The following SIRT7 variants were observed in gnomAD, a reference collection of about 807,000 sequenced individuals.
The protein encoded by SIRT7 is sirtuin 7.
SIRT7 carries 32 observed loss-of-function variants against 42.8 expected under a neutral mutation model. That is an observed-to-expected ratio of 0.75 (90% CI 0.56 to 1.00). The LOEUF is 1.00. Ranked by LOEUF, SIRT7 falls within the 50% of genes least tolerant of loss-of-function variation. The pLI is 0.00. For missense variants in SIRT7, 553 were observed against 572.2 expected (o/e 0.97, Z 0.34); for synonymous variants, 297 against 245.2 (o/e 1.21, Z -1.97).
intron 5 of SIRT7, chr17:81,914,983 A>G: frequency 3.8e-6 from 2 of 527,528 alleles, no homozygotes; most frequent in African/African-American, 3.8e-5. Flanking sequence ...AAGGTTGGGA[A>G]GTGGCTCGGG....
At chr17:81,914,723 C>T in intron 5 of SIRT7, 21 bp from the exon 6 acceptor site, 11 of 1,601,510 alleles carry the variant, frequency 6.9e-6, no homozygotes, top group Non-Finnish European at 9.4e-6. Flanking sequence ...GAACGGGTGG[C>T]AAGGGGAGGG....
Position 81,912,634 on chromosome 17 carries a change from G to C in SIRT7, c.1005-20C>G, listed in dbSNP as rs751643965. ...TGCCACCTGCCAAAAAGGGAAAGCG[G>C]CATCAGGCGGGCCTGGGAGCCTCTC... On this transcript the variant is annotated intron_variant, in intron 9 of 9. Transcript: ENST00000328666. 2 of 1,605,034 alleles carry C rather than the reference G, an allele frequency of 1.2e-6. No individual in the cohort carries two copies.
chr17:81,916,746 T>G (rs1047580064), intron 3 of SIRT7: 6 of 152,284 alleles, frequency 3.9e-5, no homozygotes, highest in Admixed American at 1.3e-4. Flanking sequence ...ATTATAGGCA[T>G]GAGCCACCGC....
Position 81,912,140 on chromosome 17 carries a change from G to A in SIRT7, c.*276C>T, listed in dbSNP as rs927886004. ...GCTGGGCGCTTCCACTCTGCAGGCC[G>A]GGGCTGAAATAACCCGAGTTCCGTT... On this transcript the variant is annotated 3_prime_UTR_variant, in exon 10 of 10. Coordinates refer to ENST00000328666, the MANE Select transcript of SIRT7 (RefSeq NM_016538.3). 27 of 510,040 alleles carry A rather than the reference G, an allele frequency of 5.3e-5. No individual in the cohort carries two copies. Among genetic ancestry groups the A allele is most frequent in the African/African-American group, 4.3e-4 (22 of 51,744 alleles). 31.6% of individuals were successfully genotyped at this position (510,040 alleles called of 1,614,324 possible).
In SIRT7 at chr17:81,914,406, G is replaced by C; in HGVS notation, c.704C>G (p.Thr235Ser). 1 of 1,613,204 alleles carries C rather than the reference G, an allele frequency of 6.2e-7. No individual in the cohort carries two copies. The highest frequency in any genetic ancestry group is 1.6e-4 in the Middle Eastern group (1 of 6,062). ...CHKCGTQLRD[T>S]IVHFGERGTL... ...CCCCCTCTCCCCAAAGTGCACAATG[G>C]TGTCCCGCAGCTGGGTCCCACACTT... Residue 235 changes from threonine to serine, a missense_variant, in exon 7 of 10, where the codon ACC (threonine) becomes AGC (serine). Coordinates refer to ENST00000328666, the MANE Select transcript of SIRT7 (RefSeq NM_016538.3).
chr17:81,912,785 C>A, intron 9 of SIRT7, 171 bp from the exon 10 acceptor site: 1 of 719,978 alleles, frequency 1.4e-6, no homozygotes, highest in Non-Finnish European at 2.4e-6. Context: ...AGCTGCAGAA[C>A]GGATGTGGGA....
intron 9 of SIRT7, chr17:81,912,891 A>G (rs566500955): frequency 5.8e-6 from 3 of 515,766 alleles, no homozygotes; most frequent in Non-Finnish European, 1.1e-5. Flanking sequence ...AGCGGCGTGC[A>G]CACACAGGGT....
In SIRT7 at chr17:81,917,717, C is replaced by A; in HGVS notation, c.234G>T (p.Val78=). ...CCCGCAGCTCCTCCGGGTCGTCGCA[C>A]ACCTGCCAAGACGCCAGGGTGGTCA... ...REGLKRRQEE[V]CDDPEELRGK... is the part of the protein sequence containing the mutation. Residue 78 remains valine, a splice_region_variant and synonymous_variant, in exon 3 of 10, where the codon GTG becomes GTT. Coordinates refer to ENST00000328666, the MANE Select transcript of SIRT7 (RefSeq NM_016538.3). 6.3e-7 allele frequency: 1 copy of A among 1,592,344 alleles called. No individual in the cohort carries two copies.
Position 81,912,207 on chromosome 17 carries a change from G to A in SIRT7, c.*209C>T, listed in dbSNP as rs1047107006. On this transcript the variant is annotated 3_prime_UTR_variant, in exon 10 of 10. Coordinates refer to ENST00000328666, the MANE Select transcript of SIRT7 (RefSeq NM_016538.3). Reference sequence around the variant, plus strand: ...GCTGCCACCTCTTGACACAGAGGCCGGATGGGCAGGTGTCCTCGATGGCCA... The same window carrying A: ...GCTGCCACCTCTTGACACAGAGGCCAGATGGGCAGGTGTCCTCGATGGCCA... 9 of 620,962 alleles carry A rather than the reference G, an allele frequency of 1.4e-5. No individual in the cohort carries two copies. Among genetic ancestry groups the A allele is most frequent in the South Asian group, 5.7e-5 (3 of 52,706 alleles). The allele number at this position is 620,962 out of a possible 1,614,324, so 38.5% of individuals were successfully genotyped here.
intron 3 of SIRT7, chr17:81,917,360 G>A (rs965265010): frequency 2.6e-6 from 1 of 385,660 alleles, no homozygotes; most frequent in Non-Finnish European, 4.6e-6. Context: ...ACAACTTTGG[G>A]CTTAGCTCTG....
intron 9 of SIRT7, 37 bp from the exon 10 acceptor site, chr17:81,912,651 G>C: frequency 6.3e-7 from 1 of 1,588,366 alleles, no homozygotes; most frequent in Non-Finnish European, 8.6e-7. Flanking sequence ...GCGGGCCTGG[G>C]AGCCTCTCGC....
At chr17:81,915,142 T>A (rs2040771718) in intron 5 of SIRT7, 1 of 530,744 alleles carries the variant, frequency 1.9e-6, no homozygotes. Flanking sequence ...AAGCCTCCCC[T>A]GTGACTAGGA....
Position 81,914,562 on chromosome 17 carries a change from C to T in SIRT7, c.580-32G>A, listed in dbSNP as rs375320363. 8 of 1,612,408 alleles carry T rather than the reference C, an allele frequency of 5.0e-6. No individual in the cohort carries two copies. The African/African-American group carries it at 8.0e-5, about 16-fold the overall frequency. The stretch of plus-strand genomic sequence containing the variant: ...GCAAGAGGGCACAGTGAGTGGGACC[C>T]GCCTGCCCATGGAGACCCTGGGTCC... On this transcript the variant is annotated intron_variant, in intron 6 of 9. Coordinates refer to ENST00000328666, the MANE Select transcript of SIRT7 (RefSeq NM_016538.3).
chr17:81,918,111 G>C lies in SIRT7; in HGVS notation c.21C>G (p.Ser7Arg), dbSNP rs759489989. Reference protein sequence around the residue: MAAGGLSRSERKAAERV... With the variant: MAAGGLRRSERKAAERV... ...GCTCCGCCGCTTTGCGCTCGGAGCG[G>C]CTCAGACCCCCGGCTGCCATCGCTC... Residue 7 changes from serine to arginine, a missense_variant, in exon 1 of 10, where the codon AGC (serine) becomes AGG (arginine). Ser to Arg is a moderately radical substitution (Grantham distance 110). Transcript: ENST00000328666. 2 of 1,554,216 alleles carry C rather than the reference G, an allele frequency of 1.3e-6. No homozygotes were observed. The highest frequency in any genetic ancestry group is 1.7e-6 in the Non-Finnish European group (2 of 1,161,352).
chr17:81,914,788 G>A, intron 5 of SIRT7, 86 bp from the exon 6 acceptor site: 2 of 1,104,156 alleles, frequency 1.8e-6, no homozygotes. Context: ...AGGCTGTTCT[G>A]AGCCCCGCCG....
intron 2 of SIRT7, 23 bp from the exon 3 acceptor site, chr17:81,917,742 ACCGCCCCGGG>A: frequency 2.6e-6 from 4 of 1,532,628 alleles, no homozygotes; most frequent in Non-Finnish European, 3.5e-6. Context: ...CAGGGTGGTC[ACCGCCCCGGG>A]CCGCCCCACC....
At position 81,917,645 on chromosome 17, in the gene SIRT7, CA is replaced by C. The variant is rs1484981365; in HGVS notation, c.305del (p.Leu102TrpfsTer39). The C allele has an allele frequency of 6.2e-7, 1 of 1,608,320 alleles. No individual in the cohort carries two copies. The highest frequency in any genetic ancestry group is 8.5e-7 in the Non-Finnish European group (1 of 1,177,652). On this transcript the variant is annotated frameshift_variant, in exon 3 of 10. Coordinates refer to ENST00000328666, the MANE Select transcript of SIRT7 (RefSeq NM_016538.3). LOFTEE classifies it high-confidence loss of function. ...LASAVRNAKYLVVYTGAGIST... is the reference protein window; with the variant it reads ...LASAVRNAKYXVVYTGAGIST... Reference sequence around the variant, plus strand: ...TGATTCCCGCGCCTGTGTAGACGACCAAGTATTTGGCGTTCCGGACGGCGCT... The same window carrying C: ...TGATTCCCGCGCCTGTGTAGACGACCAGTATTTGGCGTTCCGGACGGCGCT...
chr17:81,915,814 C>A lies in SIRT7; in HGVS notation c.337-133G>T. The stretch of plus-strand genomic sequence containing the variant: ...GCCTGCATGTTGGCCTCTATTCATT[C>A]CACAGGCTGACCTGCCTGAGCCCAT... On this transcript the variant is annotated intron_variant, in intron 3 of 9. Coordinates refer to ENST00000328666, the MANE Select transcript of SIRT7 (RefSeq NM_016538.3). The A allele has an allele frequency of 8.1e-6, 8 of 984,712 alleles. 1 individual carries two copies. In the South Asian group the frequency reaches 1.1e-4, roughly 14 times the overall value. The allele number at this position is 984,712 out of a possible 1,614,324, so 61.0% of individuals were successfully genotyped here.
chr17:81,916,427 G>A (rs1245602282), intron 3 of SIRT7: 2 of 150,292 alleles, frequency 1.3e-5, no homozygotes, highest in Admixed American at 1.3e-4. Flanking sequence ...TCCATAACAG[G>A]TCACGTGACT....
Sources: allele counts gnomAD v4.1 joint callset, GRCh38; gene constraint gnomAD v4.1.1; transcripts MANE v1.5; gene names NCBI Gene and HGNC (gene_info 2026-07-23, HGNC 2026-07-21).